DLG2: variants seen among roughly 807,000 people sequenced by gnomAD.
The protein encoded by DLG2 is disks large homolog 2.
In DLG2, 45 loss-of-function variants were observed where a neutral mutation model predicts 132.5. The observed-to-expected ratio is 0.34, with a 90% CI of 0.27 to 0.44. The LOEUF (loss-of-function observed/expected upper bound fraction) is 0.44, where lower values mean the gene tolerates loss of function less well. Among genes scored for constraint, DLG2 ranks in the 20% least tolerant of loss-of-function variants. The pLI is 1.00. For synonymous variants in DLG2, 424 were observed against 419.6 expected (o/e 1.01, Z -0.13); for missense variants, 1,045 against 1,196.9 (o/e 0.87, Z 1.87).
chr11:83,464,579 C>T (rs1399537172), intron 26 of DLG2, among the ~76,000 whole-genome samples: 1 of 152,230 alleles, frequency 6.6e-6, no homozygotes, highest in South Asian at 2.1e-4. Flanking sequence ...GATTCACTGT[C>T]CTTATTGTGA....
At chr11:84,746,454 A>C (rs966351713) in intron 6 of DLG2, among the ~76,000 whole-genome samples, 1 of 151,680 alleles carries the variant, frequency 6.6e-6, no homozygotes, top group Non-Finnish European at 1.5e-5. Context: ...AAAAAAAAAA[A>C]AAGGACAGGA....
intron 3 of DLG2, among the ~76,000 whole-genome samples, chr11:85,392,626 T>G (rs1015549755): frequency 1.3e-5 from 2 of 152,128 alleles, no homozygotes; most frequent in Non-Finnish European, 2.9e-5. Flanking sequence ...AACAGGCATA[T>G]AGACCAATGG....
intron 3 of DLG2, among the ~76,000 whole-genome samples, chr11:85,428,993 T>C (rs1477925415): frequency 1.3e-5 from 2 of 152,176 alleles, no homozygotes; most frequent in African/African-American, 2.4e-5. Context: ...GAGAATACTA[T>C]AAACACCTCT....
At chr11:84,696,591 G>C (rs145928601) in intron 6 of DLG2, among the ~76,000 whole-genome samples, 1 of 151,444 alleles carries the variant, frequency 6.6e-6, no homozygotes, top group Non-Finnish European at 1.5e-5. Context: ...TGACAAACCA[G>C]GCAGAAAAAA....
intron 18 of DLG2, among the ~76,000 whole-genome samples, chr11:83,716,605 T>C (rs2086762360): frequency 6.6e-6 from 1 of 152,204 alleles, no homozygotes; most frequent in South Asian, 2.1e-4. Flanking sequence ...AAAAAAGTAT[T>C]AGGTCACTGT....
intron 3 of DLG2, among the ~76,000 whole-genome samples, chr11:85,553,624 A>G (rs2076785299): frequency 6.6e-6 from 1 of 151,688 alleles, no homozygotes. Flanking sequence ...AACTACATAC[A>G]AAGGAGTGGA....
chr11:84,827,591 G>A (rs1046593282), intron 6 of DLG2, among the ~76,000 whole-genome samples: 4 of 146,634 alleles, frequency 2.7e-5, no homozygotes, highest in Middle Eastern at 3.6e-3. Flanking sequence ...CAGGATGGCA[G>A]CCAGAGGGTA....
At chr11:84,013,791 A>G (rs1426274799) in intron 11 of DLG2, among the ~76,000 whole-genome samples, 1 of 143,504 alleles carries the variant, frequency 7.0e-6, no homozygotes, top group African/African-American at 2.5e-5. Context: ...TCCTTGAACC[A>G]GGGAGATAGA....
intron 6 of DLG2, among the ~76,000 whole-genome samples, chr11:85,001,722 T>C (rs1231099834): frequency 6.6e-6 from 1 of 152,186 alleles, no homozygotes; most frequent in Admixed American, 6.6e-5. Flanking sequence ...TCATCAAATG[T>C]ATAATACCAA....
At chr11:85,605,343 G>GA (rs545854785) in intron 2 of DLG2, among the ~76,000 whole-genome samples, 4 of 138,712 alleles carry the variant, frequency 2.9e-5, no homozygotes, top group East Asian at 1.9e-4. Context: ...TATTTTTATG[G>GA]AAAAAATAAA....
intron 21 of DLG2, among the ~76,000 whole-genome samples, chr11:83,499,590 T>A (rs1387155905): frequency 6.6e-6 from 1 of 151,334 alleles, no homozygotes; most frequent in Non-Finnish European, 1.5e-5. Context: ...ATTGCTTTTT[T>A]TTTCCCTTTC....
At chr11:84,132,516 C>A (rs1435695102) in intron 9 of DLG2, among the ~76,000 whole-genome samples, 1 of 151,892 alleles carries the variant, frequency 6.6e-6, no homozygotes. Context: ...ATAAGAAAAA[C>A]TGAAAAAACT....
intron 7 of DLG2, among the ~76,000 whole-genome samples, chr11:84,410,757 T>C (rs2098897506): frequency 6.6e-6 from 1 of 151,890 alleles, no homozygotes; most frequent in South Asian, 2.1e-4. Context: ...TTTTTGTATT[T>C]TTAGTAGAGA....
intron 15 of DLG2, among the ~76,000 whole-genome samples, chr11:83,923,745 T>C (rs1178248330): frequency 6.6e-6 from 1 of 151,704 alleles, no homozygotes; most frequent in Non-Finnish European, 1.5e-5. Flanking sequence ...CTCAGTTCAG[T>C]TCTTCATTAT....
chr11:84,671,882 T>A (rs2099706268), intron 6 of DLG2, among the ~76,000 whole-genome samples: 1 of 152,072 alleles, frequency 6.6e-6, no homozygotes, highest in Non-Finnish European at 1.5e-5. Flanking sequence ...GTTTTGAGGT[T>A]TTTGTTTTGT....
intron 6 of DLG2, among the ~76,000 whole-genome samples, chr11:84,949,621 C>T (rs1207454218): frequency 6.6e-6 from 1 of 152,166 alleles, no homozygotes; most frequent in African/African-American, 2.4e-5. Flanking sequence ...CAATATTTCT[C>T]CCATTTGCTT....
intron 13 of DLG2, among the ~76,000 whole-genome samples, chr11:83,964,965 A>G (rs2089856070): frequency 6.6e-6 from 1 of 151,992 alleles, no homozygotes; most frequent in Non-Finnish European, 1.5e-5. Context: ...TTTCTAATCT[A>G]CTACTACAGA....
chr11:83,944,331 GTAAA>G lies in DLG2; in HGVS notation c.1341-13852_1341-13849del, dbSNP rs1163188461. ...TCCGCCAAAACCTTTTGAAAAGTAAGTAAATAAATAAATAAGAGCTGTTTTCTTG... is the reference window on the plus strand; with the variant it reads ...TCCGCCAAAACCTTTTGAAAAGTAAGTAAATAAATAAGAGCTGTTTTCTTG... On this transcript the variant is annotated intron_variant, in intron 14 of 27. Coordinates refer to ENST00000376104, the MANE Select transcript of DLG2 (RefSeq NM_001142699.3). Among the ~76,000 whole-genome samples, 7 of 152,234 alleles carry G rather than the reference GTAAA, an allele frequency of 4.6e-5. No homozygotes were observed. In the South Asian group the frequency reaches 6.2e-4, roughly 14 times the overall value.
intron 6 of DLG2, among the ~76,000 whole-genome samples, chr11:84,774,206 A>G (rs1004840213): frequency 1.3e-5 from 2 of 152,102 alleles, no homozygotes; most frequent in African/African-American, 4.8e-5. Context: ...TAAATAAAAT[A>G]CCTAGGAATA....
Sources: allele counts gnomAD v4.1 joint callset (sites outside exome capture counted in the v4.1 genomes callset), GRCh38; gene constraint gnomAD v4.1.1; transcripts MANE v1.5; gene names NCBI Gene and HGNC (gene_info 2026-07-23, HGNC 2026-07-21).